MMD2: variants seen among roughly 807,000 people sequenced by gnomAD.
The protein encoded by MMD2 is monocyte to macrophage differentiation associated 2.
MMD2 carries 30 observed loss-of-function variants against 33.5 expected under a neutral mutation model. That is an observed-to-expected ratio of 0.90 (90% CI 0.67 to 1.22). The LOEUF (loss-of-function observed/expected upper bound fraction) is 1.22, where lower values mean the gene tolerates loss of function less well. Ranked by LOEUF, MMD2 falls within the 50% of genes most tolerant of loss-of-function variation. The pLI is 0.00. For missense variants in MMD2, 364 were observed against 325.4 expected (o/e 1.12, Z -0.91); for synonymous variants, 129 against 123.0 (o/e 1.05, Z -0.32).
chr7:4,913,228 G>A (rs1785059267), intron 4 of MMD2, among the ~76,000 whole-genome samples: 1 of 152,172 alleles, frequency 6.6e-6, no homozygotes, highest in East Asian at 1.9e-4. Context: ...AGGACGGGAT[G>A]AAGGGAAAGG....
At chr7:4,899,873 C>A in the MMD2 span, among the ~76,000 whole-genome samples, 1 of 152,158 alleles carries the variant, frequency 6.6e-6, no homozygotes, top group Non-Finnish European at 1.5e-5. Context: ...TGGCCCCAGC[C>A]AGGATGTAGC....
At chr7:4,944,445 G>A (rs1785995215) in intron 1 of MMD2, among the ~76,000 whole-genome samples, 1 of 152,124 alleles carries the variant, frequency 6.6e-6, no homozygotes, top group African/African-American at 2.4e-5. Context: ...CATGACCTGG[G>A]CCAGCCCACC....
At chr7:4,895,637 A>G in the MMD2 span, among the ~76,000 whole-genome samples, 2 of 151,994 alleles carry the variant, frequency 1.3e-5, no homozygotes, top group African/African-American at 4.8e-5. Context: ...CCCGGGTTCA[A>G]ACAATTCTCC....
intron 1 of MMD2, among the ~76,000 whole-genome samples, chr7:4,944,683 C>T (rs1364939832): frequency 1.3e-5 from 2 of 152,152 alleles, no homozygotes; most frequent in African/African-American, 2.4e-5. Flanking sequence ...TGCTGAACCC[C>T]GCTACTTCTG....
At chr7:4,945,200 C>CTTCTTCTTCTTCTTCTT (rs780927024) in intron 1 of MMD2, among the ~76,000 whole-genome samples, 20 of 136,594 alleles carry the variant, frequency 1.5e-4, no homozygotes, top group Non-Finnish European at 2.8e-4. Context: ...TCTTCTTCTT[C>CTTCTTCTTCTTCTTCTT]TTCTTCTTCT....
chr7:4,925,453 C>A lies in MMD2; in HGVS notation c.127G>T (p.Ala43Ser). ...GAGCCCCCCAAAAGCCAACTCACAGCATGGGTGGCACAGTTGGCCGCATGT... is the reference window on the plus strand; with the variant it reads ...GAGCCCCCCAAAAGCCAACTCACAGAATGGGTGGCACAGTTGGCCGCATGT... ...YEHAANCATH[A>S]FWIIPSILGS... The change falls in exon 2 of 7, where the codon GCT (alanine) becomes TCT (serine). Residue 43 changes from alanine to serine, a missense_variant and splice_region_variant. Physicochemically the swap from Ala to Ser is moderately conservative, Grantham distance 99 (BLOSUM62 1). Coordinates refer to ENST00000401401, the MANE Select transcript of MMD2 (RefSeq NM_198403.4). 1 of 1,546,644 alleles carries A rather than the reference C, an allele frequency of 6.5e-7. No homozygotes were observed. The highest frequency in any genetic ancestry group is 8.8e-7 in the Non-Finnish European group (1 of 1,142,640).
chr7:4,897,421 G>A, the MMD2 span, among the ~76,000 whole-genome samples: 2 of 152,172 alleles, frequency 1.3e-5, no homozygotes, highest in Admixed American at 6.5e-5. Context: ...AATACCAGCA[G>A]GACATTTTTT....
Position 4,907,157 on chromosome 7 carries a change from A to C in MMD2, c.*239T>G, listed in dbSNP as rs1784883708. 3.8e-6 allele frequency: 2 copies of C among 519,516 alleles called. No homozygotes were observed. Among genetic ancestry groups the C allele is most frequent in the South Asian group, 4.5e-5 (2 of 44,918 alleles). 32.2% of individuals were successfully genotyped at this position (519,516 alleles called of 1,614,324 possible). ...GTTAATGTTGCTTGTATTAGGAAAC[A>C]CTCATCTAAAATAGAAACACATTAC... On this transcript the variant is annotated 3_prime_UTR_variant, in exon 7 of 7. Transcript: ENST00000401401.
chr7:4,947,487 G>A (rs572111810), intron 1 of MMD2, among the ~76,000 whole-genome samples: 37 of 150,838 alleles, frequency 2.5e-4, no homozygotes, highest in African/African-American at 8.3e-4. Context: ...TCCACCTCCC[G>A]GGTTCAAGCG....
chr7:4,922,415 C>A (rs1332134003), intron 2 of MMD2, among the ~76,000 whole-genome samples: 2 of 151,880 alleles, frequency 1.3e-5, no homozygotes, highest in Non-Finnish European at 2.9e-5. Flanking sequence ...ACTAAAAATA[C>A]AAAAATTAGC....
intron 1 of MMD2, among the ~76,000 whole-genome samples, chr7:4,937,514 T>C (rs1284412471): frequency 6.6e-6 from 1 of 152,142 alleles, no homozygotes; most frequent in Non-Finnish European, 1.5e-5. Flanking sequence ...TGTTTTGTTT[T>C]TTAGAGAAAA....
the MMD2 span, among the ~76,000 whole-genome samples, chr7:4,898,633 C>T: frequency 6.6e-6 from 1 of 152,074 alleles, no homozygotes; most frequent in African/African-American, 2.4e-5. Flanking sequence ...GCAGTGGCTC[C>T]CGCCTGTAAT....
At chr7:4,945,204 T>TTCTTCTTCTTCTTCTTCTTCG (rs1270388373) in intron 1 of MMD2, among the ~76,000 whole-genome samples, 8 of 140,440 alleles carry the variant, frequency 5.7e-5, no homozygotes, top group African/African-American at 2.1e-4. Flanking sequence ...CTTCTTCTTC[T>TTCTTCTTCTTCTTCTTCTTCG]TCTTCTTCTT....
chr7:4,952,731 G>A (rs959466966), intron 1 of MMD2, among the ~76,000 whole-genome samples: 3 of 136,634 alleles, frequency 2.2e-5, no homozygotes, highest in African/African-American at 8.3e-5. Flanking sequence ...TTGCTCTGTC[G>A]CCCAGGCTGG....
chr7:4,947,813 C>T (rs1218351680), intron 1 of MMD2, among the ~76,000 whole-genome samples: 1 of 150,390 alleles, frequency 6.6e-6, no homozygotes, highest in African/African-American at 2.5e-5. Context: ...GATTTTCCTG[C>T]CTCAGCCTCC....
chr7:4,901,762 A>G (rs1784797719), downstream of MMD2, among the ~76,000 whole-genome samples: 1 of 152,258 alleles, frequency 6.6e-6, no homozygotes, highest in African/African-American at 2.4e-5. Flanking sequence ...GGGCTTCACA[A>G]GAGGTACAGC....
chr7:4,903,288 T>C (rs984073807), downstream of MMD2, among the ~76,000 whole-genome samples: 10 of 152,042 alleles, frequency 6.6e-5, no homozygotes, highest in Non-Finnish European at 1.0e-4. Context: ...AACTGGGGAC[T>C]GTAAAAGTGT....
In MMD2 at chr7:4,930,080, T is replaced by C. The variant is rs149718682; in HGVS notation, c.48-4548A>G. 8.1e-3 allele frequency among the ~76,000 whole-genome samples: 1,200 copies of C among 148,792 alleles called. 3 individuals are homozygous for C. The highest frequency in any genetic ancestry group is 0.012 in the Non-Finnish European group (777 of 67,162). On this transcript the variant is annotated intron_variant, in intron 1 of 6. Transcript: ENST00000401401. ...GTCAGGAGATCTAGACCATCCTGGC[T>C]AACACAGTGAAACCCCATCTCTACT...
chr7:4,957,563 C>A (rs893977302), intron 1 of MMD2, among the ~76,000 whole-genome samples: 6 of 151,948 alleles, frequency 3.9e-5, no homozygotes, highest in African/African-American at 1.4e-4. Context: ...GCAGGAGAAT[C>A]GCTTGAAACC....
Sources: allele counts gnomAD v4.1 joint callset (sites outside exome capture counted in the v4.1 genomes callset), GRCh38; gene constraint gnomAD v4.1.1; transcripts MANE v1.5; gene names NCBI Gene and HGNC (gene_info 2026-07-23, HGNC 2026-07-21).